The following CNTN1 variants were observed in gnomAD, a reference collection of about 807,000 sequenced individuals.
The protein encoded by CNTN1 is contactin-1.
CNTN1 carries 38 observed loss-of-function variants against 126.4 expected under a neutral mutation model. The ratio of observed to expected loss-of-function variants is 0.30; its 90% confidence interval spans 0.23 to 0.39. The LOEUF (loss-of-function observed/expected upper bound fraction) is 0.39. CNTN1 is among the 10% of genes least tolerant of loss of function. The pLI is 1.00. For missense variants in CNTN1, 1,009 were observed against 1,248.4 expected (o/e 0.81, Z 2.89); for synonymous variants, 413 against 422.6 (o/e 0.98, Z 0.28).
At chr12:40,918,970 C>T (rs1405499277) in intron 4 of CNTN1, among the ~76,000 whole-genome samples, 199 bp downstream of exon 4, 1 of 152,076 alleles carries the variant, frequency 6.6e-6, no homozygotes, top group Non-Finnish European at 1.5e-5. Flanking sequence ...AAATAATTCT[C>T]TTACTATTTT....
intron 1 of CNTN1, among the ~76,000 whole-genome samples, chr12:40,800,235 C>G (rs1217863704): frequency 6.6e-6 from 1 of 151,908 alleles, no homozygotes; most frequent in Non-Finnish European, 1.5e-5. Context: ...CTTGCAATCA[C>G]TCCATCCTGC....
chr12:40,832,176 T>C (rs2136554467), intron 1 of CNTN1, among the ~76,000 whole-genome samples: 1 of 152,336 alleles, frequency 6.6e-6, no homozygotes, highest in South Asian at 2.1e-4. Context: ...AGGCATTTAA[T>C]GATAAAGAAG....
Position 40,939,474 on chromosome 12 carries a change from C to T in CNTN1, c.1368C>T (p.Val456=). ...FSWSKGTEWL[V]NSSRILIWED... Reference sequence around the variant, plus strand: ...GGAGTAAAGGGACAGAGTGGCTTGTCAATAGCAGCAGGTCAGTGCTGAAAC... The same window carrying T: ...GGAGTAAAGGGACAGAGTGGCTTGTTAATAGCAGCAGGTCAGTGCTGAAAC... The change falls in exon 12 of 24, where the codon GTC becomes GTT. Residue 456 remains valine, a synonymous_variant. Transcript: ENST00000551295. 1 of 1,613,658 alleles carries T rather than the reference C, an allele frequency of 6.2e-7. No homozygotes were observed. The highest frequency in any genetic ancestry group is 8.5e-7 in the Non-Finnish European group (1 of 1,179,854).
chr12:40,735,845 G>A (rs867313946), intron 1 of CNTN1, among the ~76,000 whole-genome samples: 2 of 152,036 alleles, frequency 1.3e-5, no homozygotes, highest in African/African-American at 4.8e-5. Context: ...TCCTCGGTTT[G>A]AGTCAATAGA....
intron 17 of CNTN1, among the ~76,000 whole-genome samples, chr12:41,013,032 G>A (rs1040001751): frequency 7.2e-5 from 11 of 152,106 alleles, no homozygotes; most frequent in African/African-American, 2.7e-4. Context: ...AGGGAGAGGG[G>A]TCCCCGAGCA....
chr12:40,783,008 G>A (rs1939864200), intron 1 of CNTN1, among the ~76,000 whole-genome samples: 5 of 151,844 alleles, frequency 3.3e-5, no homozygotes, highest in Admixed American at 2.6e-4. Context: ...TGGTTTTGGG[G>A]TTTCTTCTAT....
chr12:40,765,577 A>G (rs1939050874), intron 1 of CNTN1, among the ~76,000 whole-genome samples: 1 of 152,198 alleles, frequency 6.6e-6, no homozygotes, highest in South Asian at 2.1e-4. Context: ...GAGTCAAGGG[A>G]AAAAATGTGT....
intron 17 of CNTN1, among the ~76,000 whole-genome samples, chr12:40,997,023 T>C (rs1462042806): frequency 6.6e-6 from 1 of 152,204 alleles, no homozygotes; most frequent in African/African-American, 2.4e-5. Flanking sequence ...ACACATGCCC[T>C]TATCTGTCCA....
intron 1 of CNTN1, among the ~76,000 whole-genome samples, chr12:40,774,209 AT>A (rs536505417): frequency 2.0e-5 from 3 of 150,788 alleles, no homozygotes; most frequent in African/African-American, 7.3e-5. Context: ...TGAAGACTAC[AT>A]TTTTTTTTGT....
chr12:40,996,331 C>A (rs1246487044), intron 17 of CNTN1, among the ~76,000 whole-genome samples: 1 of 152,052 alleles, frequency 6.6e-6, no homozygotes, highest in East Asian at 1.9e-4. Flanking sequence ...CTGGGTTTCT[C>A]CATGTTGCCC....
intron 14 of CNTN1, among the ~76,000 whole-genome samples, chr12:40,949,867 C>A (rs1946602835): frequency 6.6e-6 from 1 of 151,962 alleles, no homozygotes; most frequent in Non-Finnish European, 1.5e-5. Context: ...TGAGCCACCG[C>A]ACCCGGCCTC....
intron 2 of CNTN1, among the ~76,000 whole-genome samples, chr12:40,909,016 T>C (rs991406964): frequency 6.6e-6 from 1 of 152,202 alleles, no homozygotes; most frequent in African/African-American, 2.4e-5. Context: ...TGGCCATGTT[T>C]AACAACTGAT....
chr12:40,919,795 T>G (rs568766639), intron 4 of CNTN1, among the ~76,000 whole-genome samples: 1 of 152,284 alleles, frequency 6.6e-6, no homozygotes, highest in East Asian at 1.9e-4. Context: ...CGTTTCAATT[T>G]CATACATGGA....
chr12:41,007,045 G>GTTTTTT (rs71078294), intron 17 of CNTN1, among the ~76,000 whole-genome samples: 9 of 69,244 alleles, frequency 1.3e-4, no homozygotes, highest in Non-Finnish European at 1.5e-4. Flanking sequence ...GTTTTGTGTG[G>GTTTTTT]TTTTTTTTTT....
chr12:40,900,922 G>A lies in CNTN1; in HGVS notation c.-76-7435G>A, dbSNP rs142016386. Among the ~76,000 whole-genome samples the A allele has an allele frequency of 2.8e-4, 42 of 152,260 alleles. 1 individual carries two copies. The highest frequency in any genetic ancestry group is 1.8e-3 in the Admixed American group (27 of 15,286). On this transcript the variant is annotated intron_variant, in intron 1 of 23. Coordinates refer to ENST00000551295, the MANE Select transcript of CNTN1 (RefSeq NM_001843.4). ...ATGAGGGGATGTGAAACTGACAACC[G>A]CTCTGTTGTCGATGATTTACATGAA...
intron 1 of CNTN1, among the ~76,000 whole-genome samples, chr12:40,851,859 C>T (rs1464859505): frequency 6.6e-6 from 1 of 152,074 alleles, no homozygotes; most frequent in African/African-American, 2.4e-5. Flanking sequence ...TTATTCTGTG[C>T]AAGTATAGTC....
intron 17 of CNTN1, among the ~76,000 whole-genome samples, chr12:40,993,682 T>C (rs1948146941): frequency 6.6e-6 from 1 of 152,148 alleles, no homozygotes; most frequent in Non-Finnish European, 1.5e-5. Context: ...ATTCTGTGTC[T>C]CTCTCGAACT....
intron 1 of CNTN1, among the ~76,000 whole-genome samples, chr12:40,764,761 T>A (rs1939010066): frequency 6.6e-6 from 1 of 152,192 alleles, no homozygotes; most frequent in Non-Finnish European, 1.5e-5. Flanking sequence ...ACCATATGCT[T>A]AGAAGCATTT....
intron 1 of CNTN1, among the ~76,000 whole-genome samples, chr12:40,890,004 G>A (rs934554418): frequency 4.6e-5 from 7 of 151,998 alleles, no homozygotes; most frequent in Admixed American, 3.3e-4. Context: ...CTATCCATGC[G>A]ATATTAATCT....
Sources: gnomAD v4.1 joint callset for allele counts (sites outside exome capture counted in the v4.1 genomes callset) on GRCh38, gnomAD v4.1.1 for gene constraint, MANE v1.5 for transcripts, NCBI Gene and HGNC (gene_info 2026-07-23, HGNC 2026-07-21) for gene names.